Variants in ATXN8OS observed in about 807,000 individuals in gnomAD.
ATXN8OS encodes the protein ATXN8 opposite strand (non-protein coding).
intron 3 of ATXN8OS, among the ~76,000 whole-genome samples, chr13:70,146,396 C>T (rs1321342382): frequency 6.6e-6 from 1 of 151,822 alleles, no homozygotes; most frequent in Non-Finnish European, 1.5e-5. Context: ...CCATTTGACC[C>T]AGCCATCCCA....
intron 4 of ATXN8OS, among the ~76,000 whole-genome samples, chr13:70,153,432 G>A (rs370421100): frequency 1.6e-4 from 24 of 152,038 alleles, no homozygotes; most frequent in African/African-American, 5.3e-4. Context: ...AAACTTAGCC[G>A]GGCATGGCAG....
At position 70,159,778 on chromosome 13, in the gene ATXN8OS, G is replaced by A. The variant is rs565249454; in HGVS notation, n.574-9975G>A. ...TTTTACCTTTTCCAGAATATCACAT[G>A]GAATCATACAGTATATAACCTAACA... On this transcript the variant is annotated intron_variant and non_coding_transcript_variant, in intron 4 of 4. Transcript: ENST00000678624. Among the ~76,000 whole-genome samples the A allele has an allele frequency of 1.7e-3, 258 of 152,168 alleles. 1 individual carries two copies. Among genetic ancestry groups the A allele is most frequent in the East Asian group, 3.1e-3 (16 of 5,184 alleles).
At chr13:70,129,255 G>T (rs1888491941) in intron 2 of ATXN8OS, among the ~76,000 whole-genome samples, 1 of 152,140 alleles carries the variant, frequency 6.6e-6, no homozygotes, top group African/African-American at 2.4e-5. Flanking sequence ...TATAGTTATT[G>T]TGTTTTTCAA....
At chr13:70,108,944 C>T (rs1476990284) in intron 1 of ATXN8OS, among the ~76,000 whole-genome samples, 1 of 152,168 alleles carries the variant, frequency 6.6e-6, no homozygotes, top group Non-Finnish European at 1.5e-5. Context: ...GGGCCAGAGG[C>T]GTACGGTAGA....
intron 3 of ATXN8OS, among the ~76,000 whole-genome samples, chr13:70,141,085 C>G (rs1888708048): frequency 2.0e-5 from 3 of 152,068 alleles, no homozygotes; most frequent in Admixed American, 6.6e-5. Context: ...CTTGATAAGC[C>G]TTCTCAGGCA....
At chr13:70,151,686 CTTTAG>C in intron 4 of ATXN8OS, among the ~76,000 whole-genome samples, 1 of 152,106 alleles carries the variant, frequency 6.6e-6, no homozygotes, top group South Asian at 2.1e-4. Flanking sequence ...GTAACATATA[CTTTAG>C]TTAATTGGAA....
chr13:70,162,576 G>A (rs1351114915), intron 4 of ATXN8OS, among the ~76,000 whole-genome samples: 1 of 151,880 alleles, frequency 6.6e-6, no homozygotes, highest in African/African-American at 2.4e-5. Flanking sequence ...ATCTGCTGGG[G>A]CTGATCGATT....
At chr13:70,158,374 C>T (rs1039222302) in intron 4 of ATXN8OS, among the ~76,000 whole-genome samples, 13 of 152,224 alleles carry the variant, frequency 8.5e-5, no homozygotes, top group Admixed American at 6.5e-4. Context: ...GCCAAGATTA[C>T]GCCACTGCAC....
chr13:70,158,843 G>A (rs1888967870), intron 4 of ATXN8OS, among the ~76,000 whole-genome samples: 1 of 152,142 alleles, frequency 6.6e-6, no homozygotes, highest in African/African-American at 2.4e-5. Context: ...ACTATGGACT[G>A]TAAAATAGGC....
At chr13:70,141,355 TG>T (rs1434400217) in intron 3 of ATXN8OS, among the ~76,000 whole-genome samples, 1 of 152,230 alleles carries the variant, frequency 6.6e-6, no homozygotes, top group Non-Finnish European at 1.5e-5. Context: ...CAACTGCATG[TG>T]GCAACCCCTA....
rs1888671679 is a variant in ATXN8OS, at chr13:70,139,395, GC to G, written n.500-7959del. On this transcript the variant is annotated intron_variant and non_coding_transcript_variant, in intron 3 of 4. Transcript: ENST00000678624. ...TACTACTACTACTACTGCTGCTGCT[GC>G]TGCTGCTGCTGCTGCTGCTGCTGCT... The G allele has an allele frequency of 5.4e-6, 3 of 557,154 alleles. No homozygotes were observed. In the African/African-American group the frequency reaches 8.8e-5, roughly 16 times the overall value. 34.5% of individuals were successfully genotyped at this position (557,154 alleles called of 1,614,324 possible).
intron 4 of ATXN8OS, among the ~76,000 whole-genome samples, chr13:70,152,309 T>C (rs1160722282): frequency 6.6e-6 from 1 of 151,958 alleles, no homozygotes; most frequent in Non-Finnish European, 1.5e-5. Flanking sequence ...CTATTTATGT[T>C]TTCTTTATAT....
At chr13:70,154,324 T>G (rs985615831) in intron 4 of ATXN8OS, among the ~76,000 whole-genome samples, 2 of 152,168 alleles carry the variant, frequency 1.3e-5, no homozygotes, top group Non-Finnish European at 2.9e-5. Flanking sequence ...AGGTTAACAT[T>G]TCTACCCAAT....
chr13:70,163,799 C>A (rs1889038882), intron 4 of ATXN8OS, among the ~76,000 whole-genome samples: 1 of 150,840 alleles, frequency 6.6e-6, no homozygotes, highest in Non-Finnish European at 1.5e-5. Context: ...AATGAAATAT[C>A]TTTGAATAGT....
chr13:70,111,386 A>C (rs1408272398), intron 1 of ATXN8OS, among the ~76,000 whole-genome samples: 1 of 152,174 alleles, frequency 6.6e-6, no homozygotes, highest in East Asian at 1.9e-4. Context: ...CATCTGGTGA[A>C]GGTCTTCTTC....
At chr13:70,112,876 G>A (rs1490436648) in intron 1 of ATXN8OS, among the ~76,000 whole-genome samples, 2 of 147,846 alleles carry the variant, frequency 1.4e-5, no homozygotes, top group African/African-American at 2.5e-5. Flanking sequence ...TTTGTGCTGG[G>A]TCCTGTCTGG....
intron 4 of ATXN8OS, among the ~76,000 whole-genome samples, chr13:70,156,607 C>CT (rs1223503296): frequency 9.9e-5 from 15 of 151,778 alleles, no homozygotes; most frequent in Admixed American, 6.6e-4. Context: ...ACACGTTACT[C>CT]TTTTTTTTGA....
chr13:70,115,724 A>G lies in ATXN8OS; in HGVS notation n.398+426A>G, dbSNP rs750848975. On this transcript the variant is annotated intron_variant and non_coding_transcript_variant, in intron 2 of 4. Coordinates refer to ENST00000678624, the Ensembl canonical transcript of ATXN8OS. ...ATCATAATGAGAAATGGATAAGAGT[A>G]ATAACACTTTATAGTGGAGGAGAGG... is the stretch of plus-strand genomic sequence containing the variant. Among the ~76,000 whole-genome samples, 278 of 152,264 alleles carry G rather than the reference A, an allele frequency of 1.8e-3. 3 individuals are homozygous for G. Among genetic ancestry groups the G allele is most frequent in the East Asian group, 3.9e-4 (2 of 5,172 alleles).
At chr13:70,114,633 A>G (rs1194067507) in intron 1 of ATXN8OS, among the ~76,000 whole-genome samples, 4 of 152,106 alleles carry the variant, frequency 2.6e-5, no homozygotes, top group South Asian at 4.1e-4. Context: ...TATGTATGAA[A>G]CATTTTATAC....
Sources: allele counts gnomAD v4.1 joint callset (sites outside exome capture counted in the v4.1 genomes callset), GRCh38; gene constraint gnomAD v4.1.1; transcripts MANE v1.5; gene names NCBI Gene and HGNC (gene_info 2026-07-23, HGNC 2026-07-21).